The following GATM variants were observed in gnomAD, a reference collection of about 807,000 sequenced individuals.
GATM encodes the protein glycine amidinotransferase.
A neutral mutation model predicts 54.2 loss-of-function variants in GATM; 23 were observed. The ratio of observed to expected loss-of-function variants is 0.42; its 90% CI spans 0.31 to 0.60. The LOEUF is 0.60. Among genes scored for constraint, GATM ranks in the 20% least tolerant of loss-of-function variants. The pLI, the probability that GATM is intolerant of heterozygous loss-of-function variation, is 0.14. For missense variants in GATM, 401 were observed against 544.9 expected (o/e 0.74, Z 2.63); for synonymous variants, 168 against 183.1 (o/e 0.92, Z 0.67).
intron 3 of GATM, among the ~76,000 whole-genome samples, chr15:45,394,791 A>C (rs1227483443): frequency 6.6e-6 from 1 of 152,192 alleles, no homozygotes; most frequent in East Asian, 1.9e-4. Context: ...TGAATAATGT[A>C]ATTATTCTAA....
intron 2 of GATM, among the ~76,000 whole-genome samples, chr15:45,370,836 T>C (rs752117945): frequency 2.0e-5 from 3 of 152,218 alleles, no homozygotes; most frequent in South Asian, 4.1e-4. Context: ...AATGGCACCA[T>C]CTCAGCTCAC....
In GATM at chr15:45,362,002, T is replaced by C. The variant is rs1889373251; in HGVS notation, c.*107A>G. 3 of 740,164 alleles carry C rather than the reference T, an allele frequency of 4.1e-6. No homozygotes were observed. The highest frequency in any genetic ancestry group is 1.7e-5 in the African/African-American group (1 of 57,724). The allele number at this position is 740,164 out of a possible 1,614,324, so 45.8% of individuals were successfully genotyped here. On this transcript the variant is annotated 3_prime_UTR_variant, in exon 9 of 9. Coordinates refer to ENST00000396659, the MANE Select transcript of GATM (RefSeq NM_001482.3). ...CTTACGACCCCTGTTAAGGAGATGA[T>C]TGTTTAAAGCACTACAGTTCATGCA...
At chr15:45,378,071 C>T (rs1889670894) in intron 1 of GATM, 1 of 325,302 alleles carries the variant, frequency 3.1e-6, no homozygotes. Context: ...GCACCAAGGT[C>T]CGGTAGAGGG....
At chr15:45,384,797 C>T (rs1413443384) in intron 3 of GATM, among the ~76,000 whole-genome samples, 1 of 152,088 alleles carries the variant, frequency 6.6e-6, no homozygotes, top group Non-Finnish European at 1.5e-5. Flanking sequence ...CAGCCTTGAC[C>T]TCCCAGGCTC....
At chr15:45,396,087 C>T (rs1328773566) in intron 3 of GATM, 2 of 152,166 alleles carry the variant, frequency 1.3e-5, no homozygotes, top group Non-Finnish European at 2.9e-5. Flanking sequence ...AAGAGGTACG[C>T]ACAGGGTATC....
intron 6 of GATM, among the ~76,000 whole-genome samples, chr15:45,365,085 T>C (rs1889427509): frequency 6.6e-6 from 1 of 152,200 alleles, no homozygotes; most frequent in South Asian, 2.1e-4. Flanking sequence ...ACAGAAATGT[T>C]ACAGCTTTTA....
upstream of GATM, among the ~76,000 whole-genome samples, chr15:45,381,223 G>C (rs1889737369): frequency 6.6e-6 from 1 of 152,042 alleles, no homozygotes; most frequent in Non-Finnish European, 1.5e-5. Flanking sequence ...ATAATTTTAG[G>C]ATCTTGGTGG....
rs536393701 is a variant in GATM, at chr15:45,363,966, G to A, written c.1093C>T (p.Leu365=). ...SKWLSMNVLM[L]DEKRVMVDAN... ...TCCACCATAACACGTTTTTCATCTA[G>A]CATTAAGACATTCATGGAAAGCCAT... The change falls in exon 8 of 9, where the codon CTA becomes TTA. Residue 365 remains leucine (L), a synonymous_variant. Transcript: ENST00000396659. The A allele has an allele frequency of 6.2e-7, 1 of 1,613,452 alleles. No individual in the cohort carries two copies. The highest frequency in any genetic ancestry group is 1.3e-5 in the African/African-American group (1 of 75,014).
chr15:45,364,208 A>C (rs975170920), intron 7 of GATM, 192 bp from the exon 8 acceptor site: 2 of 589,594 alleles, frequency 3.4e-6, no homozygotes, highest in African/African-American at 3.7e-5. Flanking sequence ...ATACATTTGA[A>C]TTTCACCCTG....
At chr15:45,402,199 T>C (rs1391909264) in exon 1 of GATM, 4 of 570,954 alleles carry the variant, frequency 7.0e-6, no homozygotes, top group Non-Finnish European at 8.7e-6. Context: ...GGGAAAGCTC[T>C]GGGTTAGGCA....
chr15:45,378,415 G>C lies in GATM; in HGVS notation c.39C>G (p.Gly13=), dbSNP rs1464367688. ...ATCCGATGTAGTGCACCGCCTCGGC[G>C]CCGCGGCTCCCGCCGCGCAGACACC... is the stretch of plus-strand genomic sequence containing the variant. ...RVRCLRGGSR[G]AEAVHYIGSR... Residue 13 remains glycine (G), a synonymous_variant, in exon 1 of 9, where the codon GGC becomes GGG. Coordinates refer to ENST00000396659, the MANE Select transcript of GATM (RefSeq NM_001482.3). The C allele has an allele frequency of 1.3e-6, 2 of 1,503,738 alleles. No homozygotes were observed. Among genetic ancestry groups the C allele is most frequent in the Non-Finnish European group, 1.8e-6 (2 of 1,133,150 alleles). 93.1% of individuals were successfully genotyped at this position (1,503,738 alleles called of 1,614,324 possible).
chr15:45,378,162 G>C (rs940955387), intron 1 of GATM: 15 of 477,004 alleles, frequency 3.1e-5, no homozygotes, highest in African/African-American at 4.1e-5. Context: ...GAGCCGCAAC[G>C]CAAGTTCCCC....
At position 45,366,033 on chromosome 15, in the gene GATM, A is replaced by G. The variant is rs1450319045; in HGVS notation, c.978+13T>C. ...ATTCTGTTGCTTTTCCAGAGTCCCA[A>G]GAAATCTCTTACCTGGTGACATGGT... On this transcript the variant is annotated intron_variant, in intron 6 of 8. Coordinates refer to ENST00000396659, the MANE Select transcript of GATM (RefSeq NM_001482.3). 3 of 1,613,866 alleles carry G rather than the reference A, an allele frequency of 1.9e-6. No homozygotes were observed. The highest frequency in any genetic ancestry group is 2.5e-6 in the Non-Finnish European group (3 of 1,179,866).
intron 3 of GATM, among the ~76,000 whole-genome samples, chr15:45,384,053 A>G (rs1889776199): frequency 6.6e-6 from 1 of 152,254 alleles, no homozygotes; most frequent in Non-Finnish European, 1.5e-5. Context: ...AGTGGCTAAT[A>G]GAGCCAAAAT....
upstream of GATM, among the ~76,000 whole-genome samples, chr15:45,382,516 G>C (rs1889753193): frequency 6.6e-6 from 1 of 152,136 alleles, no homozygotes; most frequent in African/African-American, 2.4e-5. Context: ...ACAAAAATTA[G>C]CCAGGTGTGT....
upstream of GATM, among the ~76,000 whole-genome samples, chr15:45,383,309 A>T (rs1397009935): frequency 2.0e-5 from 3 of 152,256 alleles, no homozygotes; most frequent in African/African-American, 7.2e-5. Context: ...CCAATGAGGT[A>T]GATTCTTTCA....
intron 1 of GATM, among the ~76,000 whole-genome samples, chr15:45,400,975 T>A (rs996250616): frequency 5.9e-5 from 9 of 151,826 alleles, no homozygotes; most frequent in Non-Finnish European, 1.3e-4. Flanking sequence ...GCTTTTTTTT[T>A]ATTTCAAAAA....
intron 2 of GATM, among the ~76,000 whole-genome samples, chr15:45,372,194 G>A (rs1889556029): frequency 6.6e-6 from 1 of 152,192 alleles, no homozygotes; most frequent in Non-Finnish European, 1.5e-5. Context: ...GTCTATGGCT[G>A]CTTTTGCACT....
At chr15:45,385,807 CA>C (rs779649481) in intron 3 of GATM, among the ~76,000 whole-genome samples, 40 of 152,300 alleles carry the variant, frequency 2.6e-4, no homozygotes, top group Admixed American at 1.8e-3. Flanking sequence ...TGGACCTAAA[CA>C]AACATACTTA....
Sources: gnomAD v4.1 joint callset for allele counts (sites outside exome capture counted in the v4.1 genomes callset) on GRCh38, gnomAD v4.1.1 for gene constraint, MANE v1.5 for transcripts, NCBI Gene and HGNC (gene_info 2026-07-23, HGNC 2026-07-21) for gene names.